Variants in CCDC125 observed in about 807,000 individuals in gnomAD.
CCDC125 encodes the protein coiled-coil domain-containing protein 125.
In CCDC125, 43 loss-of-function variants were observed where a neutral mutation model predicts 57.4. The observed-to-expected ratio is 0.75, with a 90% CI of 0.59 to 0.97. The LOEUF is 0.97. CCDC125 is among the 50% of genes least tolerant of loss of function. CCDC125 has a pLI of 0.00. For synonymous variants in CCDC125, 187 were observed against 195.2 expected, an observed-to-expected ratio of 0.96 and a Z score of 0.35; for missense variants, 563 against 595.7, an observed-to-expected ratio of 0.95 and a Z score of 0.57.
intron 9 of CCDC125, among the ~76,000 whole-genome samples, chr5:69,293,385 C>T (rs997208666): frequency 4.6e-5 from 7 of 152,142 alleles, no homozygotes; most frequent in Non-Finnish European, 7.4e-5. Flanking sequence ...GGCTCAGTGG[C>T]TCACGCCTGT....
chr5:69,273,983 T>A, the CCDC125 span, among the ~76,000 whole-genome samples: 1 of 152,188 alleles, frequency 6.6e-6, no homozygotes, highest in Non-Finnish European at 1.5e-5. Context: ...ATTTCTTTTT[T>A]AAAAAATTTT....
intron 9 of CCDC125, among the ~76,000 whole-genome samples, chr5:69,292,749 TG>T (rs977453720): frequency 6.6e-6 from 1 of 152,166 alleles, no homozygotes; most frequent in Non-Finnish European, 1.5e-5. Flanking sequence ...AAAATAATGA[TG>T]AATACGACCT....
At chr5:69,328,620 AG>A (rs1761016421) in intron 1 of CCDC125, among the ~76,000 whole-genome samples, 1 of 152,230 alleles carries the variant, frequency 6.6e-6, no homozygotes, top group African/African-American at 2.4e-5. Context: ...AAAGATTAGA[AG>A]AAAAACAAAA....
intron 3 of CCDC125, chr5:69,313,502 T>C (rs112187931): frequency 1.1e-6 from 1 of 923,016 alleles, no homozygotes; most frequent in Middle Eastern, 2.2e-4. Flanking sequence ...TTCTTGTTGA[T>C]GGCGTCCTTG....
chr5:69,277,303 AAATTT>A (rs1466359653), downstream of CCDC125: 2 of 450,926 alleles, frequency 4.4e-6, no homozygotes, highest in East Asian at 3.5e-5. Flanking sequence ...TTTAAAATAA[AAATTT>A]AATTCTGGTT....
At chr5:69,301,410 G>T (rs1215686401) in intron 7 of CCDC125, among the ~76,000 whole-genome samples, 1 of 152,048 alleles carries the variant, frequency 6.6e-6, no homozygotes, top group Non-Finnish European at 1.5e-5. Context: ...AAGGTGGGAG[G>T]ATTGCTTGAG....
chr5:69,298,161 A>G (rs920529549), intron 8 of CCDC125, among the ~76,000 whole-genome samples: 8 of 151,904 alleles, frequency 5.3e-5, no homozygotes, highest in East Asian at 2.0e-4. Context: ...GATTACAGGC[A>G]TACGCCACTA....
At chr5:69,297,423 G>A (rs1755549187) in intron 8 of CCDC125, among the ~76,000 whole-genome samples, 1 of 151,804 alleles carries the variant, frequency 6.6e-6, no homozygotes, top group Non-Finnish European at 1.5e-5. Context: ...GCAATGGCGA[G>A]ATCACAGCTC....
intron 10 of CCDC125, among the ~76,000 whole-genome samples, chr5:69,286,560 C>T (rs1187065181): frequency 3.3e-5 from 5 of 151,766 alleles, no homozygotes; most frequent in Admixed American, 6.6e-5. Flanking sequence ...ACCACCATCA[C>T]GACAACAACA....
Position 69,306,859 on chromosome 5 carries a change from C to A in CCDC125, c.575G>T (p.Arg192Ile), listed in dbSNP as rs558236427. Residue 192 changes from arginine to isoleucine, a missense_variant, in exon 6 of 12, where the codon AGA (arginine) becomes ATA (isoleucine). Coordinates refer to ENST00000396496, the MANE Select transcript of CCDC125 (RefSeq NM_176816.5). ...CCAAGATTCCTCTATATTTTTAAAT[C>A]TATTATGATCAAATTCTATTTCCCA... ...LQWEIEFDHN[R>I]FKNIEESWIQ... The A allele has an allele frequency of 6.3e-5, 96 of 1,523,844 alleles. 1 individual carries two copies. In the South Asian group the frequency reaches 9.9e-4, roughly 16 times the overall value. The allele number at this position is 1,523,844 out of a possible 1,614,324, so 94.4% of individuals were successfully genotyped here. A position where few individuals can be genotyped will look rare whatever the true frequency, so the allele number is the denominator to read the frequency against.
At chr5:69,295,112 T>C (rs561010424) in intron 8 of CCDC125, among the ~76,000 whole-genome samples, 6 of 152,324 alleles carry the variant, frequency 3.9e-5, no homozygotes, top group African/African-American at 1.2e-4. Flanking sequence ...AAGAATGTCA[T>C]GACTTGGAAC....
intron 10 of CCDC125, among the ~76,000 whole-genome samples, chr5:69,290,740 C>T (rs1466028438): frequency 6.6e-6 from 1 of 150,880 alleles, no homozygotes; most frequent in African/African-American, 2.4e-5. Context: ...AGCAATTCTC[C>T]TGCCTCAGCC....
intron 4 of CCDC125, chr5:69,309,862 C>T (rs1330834935): frequency 1.3e-5 from 2 of 152,288 alleles, no homozygotes; most frequent in African/African-American, 2.4e-5. Flanking sequence ...TGGGAACCCA[C>T]CTCTTGCATC....
At chr5:69,291,000 T>G (rs1225179261) in intron 10 of CCDC125, among the ~76,000 whole-genome samples, 1 of 152,212 alleles carries the variant, frequency 6.6e-6, no homozygotes, top group Non-Finnish European at 1.5e-5. Context: ...ACAAGATGTG[T>G]ATTAGTCTTT....
intron 3 of CCDC125, among the ~76,000 whole-genome samples, chr5:69,312,969 A>G (rs543543286): frequency 6.6e-6 from 1 of 152,094 alleles, no homozygotes; most frequent in Non-Finnish European, 1.5e-5. Context: ...TCTCCACAAC[A>G]TTCCATTTAT....
At position 69,328,557 on chromosome 5, in the gene CCDC125, A is replaced by C. The variant is rs1332356898; in HGVS notation, c.-41+4092T>G. ...AGGCAGCAACATGATAAATGCTCAC[A>C]TATACAAGTGTAAAACATAAAAAGC... is the stretch of plus-strand genomic sequence containing the variant. On this transcript the variant is annotated intron_variant, in intron 1 of 11. Transcript: ENST00000396496. Among the ~76,000 whole-genome samples the C allele has an allele frequency of 9.2e-5, 14 of 152,154 alleles. No individual in the cohort carries two copies. The East Asian group carries it at 2.7e-3, about 29-fold the overall frequency.
chr5:69,306,932 A>T, intron 5 of CCDC125, 30 bp from the exon 6 acceptor site: 1 of 1,461,234 alleles, frequency 6.8e-7, no homozygotes, highest in South Asian at 1.6e-5. Flanking sequence ...CCTTCATGGC[A>T]AATTACTACA....
downstream of CCDC125, among the ~76,000 whole-genome samples, chr5:69,278,290 C>G (rs1040064119): frequency 6.6e-6 from 1 of 152,044 alleles, no homozygotes; most frequent in Non-Finnish European, 1.5e-5. Context: ...ACTGCAACCT[C>G]CACCTCCTGG....
intron 4 of CCDC125, 124 bp from the exon 5 acceptor site, chr5:69,308,152 G>A: frequency 1.4e-6 from 1 of 709,514 alleles, no homozygotes; most frequent in South Asian, 1.6e-5. Context: ...GAATTTCACA[G>A]TGACCACCTT....
Sources: gnomAD v4.1 joint callset for allele counts (sites outside exome capture counted in the v4.1 genomes callset) on GRCh38, gnomAD v4.1.1 for gene constraint, MANE v1.5 for transcripts, NCBI Gene and HGNC (gene_info 2026-07-23, HGNC 2026-07-21) for gene names.